Variants in CADM2 observed in about 807,000 individuals in gnomAD.
CADM2 encodes the protein immunoglobulin superfamily member 4D.
CADM2 carries 12 observed loss-of-function variants against 49.8 expected under a neutral mutation model. The ratio of observed to expected loss-of-function variants is 0.24; its 90% CI spans 0.15 to 0.39. The LOEUF (loss-of-function observed/expected upper bound fraction) is 0.39. Ranked by LOEUF, CADM2 falls within the 10% of genes least tolerant of loss-of-function variation. The pLI, the probability that CADM2 is intolerant of heterozygous loss-of-function variation, is 1.00. For missense variants in CADM2, 378 were observed against 492.3 expected (o/e 0.77, Z 2.20); for synonymous variants, 214 against 175.4 (o/e 1.22, Z -1.74).
chr3:85,758,208 C>T (rs2069209767), intron 2 of CADM2, among the ~76,000 whole-genome samples: 1 of 151,996 alleles, frequency 6.6e-6, no homozygotes, highest in South Asian at 2.1e-4. Context: ...AACAGAGCAG[C>T]TTGTAAGAAC....
intron 1 of CADM2, among the ~76,000 whole-genome samples, chr3:85,587,753 A>T (rs1330477030): frequency 2.0e-5 from 3 of 150,710 alleles, no homozygotes; most frequent in Non-Finnish European, 4.4e-5. Flanking sequence ...GTTCAATGAC[A>T]TTTTTTTTTG....
chr3:85,316,454 A>G (rs1470729909), intron 1 of CADM2, among the ~76,000 whole-genome samples: 1 of 152,028 alleles, frequency 6.6e-6, no homozygotes, highest in Non-Finnish European at 1.5e-5. Flanking sequence ...CAAATATTTC[A>G]TTGTTTTATT....
intron 1 of CADM2, among the ~76,000 whole-genome samples, chr3:85,110,596 TA>T (rs2107567959): frequency 6.6e-6 from 1 of 152,066 alleles, no homozygotes; most frequent in South Asian, 2.1e-4. Flanking sequence ...CATGCTTTAC[TA>T]AAGTAGGTGG....
chr3:85,395,916 A>G (rs545598267), intron 1 of CADM2, among the ~76,000 whole-genome samples: 188 of 148,958 alleles, frequency 1.3e-3, no homozygotes, highest in Admixed American at 2.2e-3. Flanking sequence ...AAGTTATTTT[A>G]TAAATAATGA....
chr3:84,981,410 A>G (rs949301275), intron 1 of CADM2, among the ~76,000 whole-genome samples: 6 of 152,108 alleles, frequency 3.9e-5, no homozygotes, highest in African/African-American at 1.4e-4. Flanking sequence ...GGCACAGAAG[A>G]CAGAAAAGGG....
chr3:85,327,663 T>A (rs766092227), intron 1 of CADM2, among the ~76,000 whole-genome samples: 1 of 152,012 alleles, frequency 6.6e-6, no homozygotes, highest in Non-Finnish European at 1.5e-5. Flanking sequence ...CCCTATAGGC[T>A]AAATTTAAAT....
intron 1 of CADM2, among the ~76,000 whole-genome samples, chr3:85,328,863 C>A (rs1400294865): frequency 2.8e-5 from 4 of 142,860 alleles, no homozygotes; most frequent in Admixed American, 7.1e-5. Context: ...TTTATATAAA[C>A]ATAACCTCAT....
At chr3:85,715,904 A>T (rs369226552) in intron 1 of CADM2, among the ~76,000 whole-genome samples, 1 of 152,344 alleles carries the variant, frequency 6.6e-6, no homozygotes, top group South Asian at 2.1e-4. Context: ...CCAGTCTAAC[A>T]TTCATGGGCA....
At chr3:85,931,491 T>C (rs952651738) in intron 6 of CADM2, among the ~76,000 whole-genome samples, 10 of 152,084 alleles carry the variant, frequency 6.6e-5, no homozygotes, top group Admixed American at 5.9e-4. Flanking sequence ...TTAACAATTA[T>C]TTATTAAGCA....
intron 1 of CADM2, among the ~76,000 whole-genome samples, chr3:85,585,111 C>T (rs2062901748): frequency 6.6e-6 from 1 of 151,954 alleles, no homozygotes; most frequent in Admixed American, 6.6e-5. Context: ...GAATCTCATG[C>T]AGTCTGCTCC....
intron 1 of CADM2, among the ~76,000 whole-genome samples, chr3:84,972,249 A>T (rs542703004): frequency 6.6e-6 from 1 of 152,358 alleles, no homozygotes; most frequent in East Asian, 1.9e-4. Flanking sequence ...GGATGATTGC[A>T]AACTGCAGAG....
At chr3:85,705,384 C>T (rs2066912662) in intron 1 of CADM2, among the ~76,000 whole-genome samples, 1 of 152,024 alleles carries the variant, frequency 6.6e-6, no homozygotes, top group South Asian at 2.1e-4. Flanking sequence ...AGATTTAAAG[C>T]ACAGAGACAT....
intron 1 of CADM2, among the ~76,000 whole-genome samples, chr3:85,600,346 T>A (rs1338405814): frequency 2.6e-5 from 4 of 151,920 alleles, no homozygotes; most frequent in Non-Finnish European, 5.9e-5. Flanking sequence ...TCCATTAGGG[T>A]AGGAACAATA....
chr3:85,329,944 C>T (rs564560747), intron 1 of CADM2, among the ~76,000 whole-genome samples: 5 of 152,168 alleles, frequency 3.3e-5, no homozygotes, highest in Non-Finnish European at 5.9e-5. Context: ...TACCATGTCT[C>T]CTTAATCCTT....
chr3:86,038,809 A>T (rs1735482122), intron 8 of CADM2, among the ~76,000 whole-genome samples: 1 of 152,190 alleles, frequency 6.6e-6, no homozygotes, highest in African/African-American at 2.4e-5. Context: ...AAGGGAACAT[A>T]AATCCAAATT....
At chr3:85,689,375 G>C (rs1482389884) in intron 1 of CADM2, among the ~76,000 whole-genome samples, 1 of 152,080 alleles carries the variant, frequency 6.6e-6, no homozygotes, top group African/African-American at 2.4e-5. Flanking sequence ...ATAATGAAAA[G>C]TTGGGACCAA....
chr3:85,507,466 G>T (rs1251283450), intron 1 of CADM2, among the ~76,000 whole-genome samples: 2 of 152,076 alleles, frequency 1.3e-5, no homozygotes, highest in South Asian at 4.1e-4. Context: ...TGGAATTACA[G>T]GCGTGAGCCA....
chr3:85,522,069 A>G lies in CADM2; in HGVS notation c.62-204453A>G, dbSNP rs79744916. Among the ~76,000 whole-genome samples the G allele has an allele frequency of 6.6e-5, 10 of 152,104 alleles. No homozygotes were observed. In the East Asian group the frequency reaches 1.9e-3, roughly 29 times the overall value. ...CAGTATTTATTTTTGTTTCCTTTGT[A>G]TTTTTGTAGAAGTCTTAGCTATTTC... is the stretch of plus-strand genomic sequence containing the variant. On this transcript the variant is annotated intron_variant, in intron 1 of 9. Coordinates refer to ENST00000383699, the MANE Select transcript of CADM2 (RefSeq NM_001167675.2).
intron 1 of CADM2, among the ~76,000 whole-genome samples, chr3:85,250,185 A>G (rs1443196483): frequency 6.6e-6 from 1 of 151,664 alleles, no homozygotes; most frequent in Non-Finnish European, 1.5e-5. Flanking sequence ...GCTGAGTAAA[A>G]TATTTTCAGT....
Sources: allele counts gnomAD v4.1 joint callset (sites outside exome capture counted in the v4.1 genomes callset), GRCh38; gene constraint gnomAD v4.1.1; transcripts MANE v1.5; gene names NCBI Gene and HGNC (gene_info 2026-07-23, HGNC 2026-07-21).